COPE: variants seen among roughly 807,000 people sequenced by gnomAD.
COPE encodes coat protein complex I subunit epsilon.
A neutral mutation model predicts 42.1 loss-of-function variants in COPE; 19 were observed. The ratio of observed to expected loss-of-function variants is 0.45; its 90% confidence interval spans 0.31 to 0.66. The LOEUF is 0.66. Ranked by LOEUF, COPE falls within the 30% of genes least tolerant of loss-of-function variation. The pLI, the probability that COPE is intolerant of heterozygous loss-of-function variation, is 0.05. For missense variants in COPE, 402 were observed against 416.1 expected, an observed-to-expected ratio of 0.97 and a Z score of 0.30; for synonymous variants, 195 against 181.3, an observed-to-expected ratio of 1.08 and a Z score of -0.60.
intron 3 of COPE, among the ~76,000 whole-genome samples, chr19:18,910,176 C>T (rs2056796585): frequency 6.6e-6 from 1 of 152,210 alleles, no homozygotes. Context: ...GTCCCCACAG[C>T]CCAGCCCCCT....
chr19:18,912,318 T>C (rs561636129), intron 2 of COPE, among the ~76,000 whole-genome samples: 1 of 152,278 alleles, frequency 6.6e-6, no homozygotes, highest in East Asian at 1.9e-4. Context: ...GTCTTATTTT[T>C]TAATTTTTTT....
chr19:18,904,375 G>C (rs111757150), intron 6 of COPE, among the ~76,000 whole-genome samples: 9 of 152,358 alleles, frequency 5.9e-5, no homozygotes, highest in African/African-American at 2.2e-4. Flanking sequence ...CCTGGGAGCT[G>C]AGGACATCTC....
At chr19:18,919,025 G>C (rs566242346) in intron 1 of COPE, among the ~76,000 whole-genome samples, 198 bp downstream of exon 1, 3 of 152,284 alleles carry the variant, frequency 2.0e-5, no homozygotes, top group Non-Finnish European at 4.4e-5. Flanking sequence ...CGCTGTACGA[G>C]TGAGCAGTAC....
chr19:18,903,881 C>G lies in COPE; in HGVS notation c.580-458G>C, dbSNP rs540693157. Among the ~76,000 whole-genome samples the G allele has an allele frequency of 2.0e-5, 3 of 152,382 alleles. No individual in the cohort carries two copies. The East Asian group carries it at 5.8e-4, about 29-fold the overall frequency. On this transcript the variant is annotated intron_variant, in intron 6 of 9. Transcript: ENST00000262812. ...AAACAGCCCAAACTACCCGATAGGT[C>G]TGCCGGGGCCTGTCCTACCATACTA...
In COPE at chr19:18,899,539, A is replaced by G. The variant is rs2056674757; in HGVS notation, c.*140T>C. ...TCAGGTGGAACACCCTGGAGTTGAG[A>G]TATTTATTAACAGATGGGGGTGCTG... On this transcript the variant is annotated 3_prime_UTR_variant, in exon 10 of 10. Coordinates refer to ENST00000262812, the MANE Select transcript of COPE (RefSeq NM_007263.4). 1 of 757,990 alleles carries G rather than the reference A, an allele frequency of 1.3e-6. No homozygotes were observed. The highest frequency in any genetic ancestry group is 2.2e-6 in the Non-Finnish European group (1 of 452,998). The allele number at this position is 757,990 out of a possible 1,614,324, so 47.0% of individuals were successfully genotyped here.
chr19:18,904,653 G>T, intron 6 of COPE, 118 bp downstream of exon 6: 1 of 871,054 alleles, frequency 1.1e-6, no homozygotes, highest in Non-Finnish European at 1.8e-6. Flanking sequence ...CAGGGGCCAC[G>T]GCCTGATCCT....
chr19:18,901,906 C>T (rs58569954), intron 7 of COPE, among the ~76,000 whole-genome samples: 2,111 of 152,268 alleles, frequency 0.014, 45 homozygotes, highest in African/African-American at 0.043. Flanking sequence ...CCAGGCTGGG[C>T]ACAGTGGCTC....
chr19:18,911,221 G>A, intron 2 of COPE, 150 bp from the exon 3 acceptor site: 1 of 672,346 alleles, frequency 1.5e-6, no homozygotes, highest in Non-Finnish European at 2.7e-6. Flanking sequence ...AGTACACTGT[G>A]GAGGGTGGCA....
intron 6 of COPE, among the ~76,000 whole-genome samples, chr19:18,904,569 C>T (rs1046179415): frequency 6.6e-6 from 1 of 152,270 alleles, no homozygotes; most frequent in African/African-American, 2.4e-5. Flanking sequence ...ACCATCTCTT[C>T]GCTCTGGCTC....
intron 1 of COPE, among the ~76,000 whole-genome samples, chr19:18,914,755 C>T (rs1013165544): frequency 6.6e-5 from 8 of 121,870 alleles, no homozygotes; most frequent in Non-Finnish European, 1.2e-4. Flanking sequence ...AAAGCATAGT[C>T]TTTTTTTTTT....
At position 18,903,433 on chromosome 19, in the gene COPE, G is replaced by A. The variant is rs1370556559; in HGVS notation, c.580-10C>T. On this transcript the variant is annotated splice_polypyrimidine_tract_variant and intron_variant, in intron 6 of 9. Transcript: ENST00000262812. ...GCAGCTTCTCACCACCCTGCAGGGA[G>A]GGTCCCGCATCATTGCCTGTGCCCC... The A allele has an allele frequency of 6.2e-7, 1 of 1,600,952 alleles. No homozygotes were observed. The highest frequency in any genetic ancestry group is 1.1e-5 in the South Asian group (1 of 89,296).
chr19:18,904,121 A>C (rs2056735534), intron 6 of COPE, among the ~76,000 whole-genome samples: 1 of 152,212 alleles, frequency 6.6e-6, no homozygotes, highest in African/African-American at 2.4e-5. Flanking sequence ...GCATGGCACC[A>C]AGCCCAGCTA....
At position 18,907,077 on chromosome 19, in the gene COPE, C is replaced by A. The variant is rs1433084287; in HGVS notation, c.326G>T (p.Ser109Ile). The A allele has an allele frequency of 3.1e-6, 5 of 1,611,644 alleles. No homozygotes were observed. The highest frequency in any genetic ancestry group is 4.2e-6 in the Non-Finnish European group (5 of 1,179,430). Residue 109 changes from serine (S) to isoleucine (I), a missense_variant, in exon 4 of 10, where the codon AGC becomes ATC. Coordinates refer to ENST00000262812, the MANE Select transcript of COPE (RefSeq NM_007263.4). Reference sequence around the variant, plus strand: ...GGTGTTGGTCACGTCCACGCTCCTGCTCATCTCTCGGTCCAGCTCGGCCAC... The same window carrying A: ...GGTGTTGGTCACGTCCACGCTCCTGATCATCTCTCGGTCCAGCTCGGCCAC... ...SIVAELDREM[S>I]RSVDVTNTTF...
At chr19:18,902,772 A>AAG (rs2056717242) in intron 7 of COPE, among the ~76,000 whole-genome samples, 1 of 31,936 alleles carries the variant, frequency 3.1e-5, no homozygotes, top group East Asian at 3.9e-4. Flanking sequence ...AGGAAGGGAA[A>AAG]GAAGGAAGGA....
At chr19:18,912,711 C>G (rs1375523230) in intron 2 of COPE, among the ~76,000 whole-genome samples, 1 of 144,658 alleles carries the variant, frequency 6.9e-6, no homozygotes, top group African/African-American at 2.6e-5. Context: ...GAGCTGAGAT[C>G]GAGTACGACA....
rs762526419 is a variant in COPE at position 18,903,440 on chromosome 19, G to C, written c.580-17C>G. On this transcript the variant is annotated splice_polypyrimidine_tract_variant and intron_variant, in intron 6 of 9. Coordinates refer to ENST00000262812, the MANE Select transcript of COPE (RefSeq NM_007263.4). ...CTCACCACCCTGCAGGGAGGGTCCCGCATCATTGCCTGTGCCCCTGCTGCC... is the reference window on the plus strand; with the variant it reads ...CTCACCACCCTGCAGGGAGGGTCCCCCATCATTGCCTGTGCCCCTGCTGCC... 1 of 1,591,424 alleles carries C rather than the reference G, an allele frequency of 6.3e-7. No individual in the cohort carries two copies. The highest frequency in any genetic ancestry group is 8.6e-7 in the Non-Finnish European group (1 of 1,167,216).
chr19:18,917,744 G>A (rs1365216038), intron 1 of COPE, among the ~76,000 whole-genome samples: 2 of 152,140 alleles, frequency 1.3e-5, no homozygotes, highest in African/African-American at 2.4e-5. Context: ...GAGAGAGTGG[G>A]AAGAAAATTT....
Position 18,899,606 on chromosome 19 carries a change from G to A in COPE, c.*73C>T, listed in dbSNP as rs1426643806. 8 of 1,545,622 alleles carry A rather than the reference G, an allele frequency of 5.2e-6. No individual in the cohort carries two copies. Among genetic ancestry groups the A allele is most frequent in the East Asian group, 4.5e-5 (2 of 44,328 alleles). ...CCCAGAGGGGATGCAGGTGGATGCCGGGTGGGGAGGGCTGCAGGGCTGGCT... is the reference window on the plus strand; with the variant it reads ...CCCAGAGGGGATGCAGGTGGATGCCAGGTGGGGAGGGCTGCAGGGCTGGCT... On this transcript the variant is annotated 3_prime_UTR_variant, in exon 10 of 10. Coordinates refer to ENST00000262812, the MANE Select transcript of COPE (RefSeq NM_007263.4).
intron 1 of COPE, among the ~76,000 whole-genome samples, chr19:18,916,054 G>A (rs1051495378): frequency 1.3e-5 from 2 of 151,250 alleles, no homozygotes; most frequent in African/African-American, 4.9e-5. Context: ...GTGTGGTGGC[G>A]CACGCCTGTA....
Sources: allele counts gnomAD v4.1 joint callset (sites outside exome capture counted in the v4.1 genomes callset), GRCh38; gene constraint gnomAD v4.1.1; transcripts MANE v1.5; gene names NCBI Gene and HGNC (gene_info 2026-07-23, HGNC 2026-07-21).